Variants in NBAS observed in about 807,000 individuals in gnomAD.
NBAS encodes NAG/BC035112 fusion.
Under a neutral mutation model 302.5 loss-of-function variants are expected in NBAS, and 219 were observed. That is an observed-to-expected ratio of 0.72 (90% confidence interval 0.65 to 0.81). The LOEUF (loss-of-function observed/expected upper bound fraction) is 0.81, where lower values mean the gene tolerates loss of function less well. NBAS is among the 30% of genes least tolerant of loss of function. The pLI is 0.00. For missense variants in NBAS, 2,932 were observed against 2,841.6 expected, an observed-to-expected ratio of 1.03 and a Z score of -0.72; for synonymous variants, 1,118 against 1,021.6, an observed-to-expected ratio of 1.09 and a Z score of -1.80.
intron 11 of NBAS, among the ~76,000 whole-genome samples, chr2:15,492,876 A>G (rs1371036130): frequency 1.3e-5 from 2 of 152,146 alleles, no homozygotes; most frequent in Non-Finnish European, 2.9e-5. Context: ...TAGAAAATCC[A>G]CGCTAAATTC....
the NBAS span, among the ~76,000 whole-genome samples, chr2:15,090,403 T>C: frequency 1.3e-5 from 2 of 152,214 alleles, no homozygotes; most frequent in Non-Finnish European, 2.9e-5. Flanking sequence ...TCAACCAGCG[T>C]TCATATTCTG....
the NBAS span, among the ~76,000 whole-genome samples, chr2:15,013,338 C>T: frequency 2.0e-5 from 3 of 151,896 alleles, no homozygotes; most frequent in South Asian, 2.1e-4. Flanking sequence ...CTATAGAAAA[C>T]CATCCAACCA....
chr2:15,090,138 C>G, the NBAS span, among the ~76,000 whole-genome samples: 1 of 152,198 alleles, frequency 6.6e-6, no homozygotes, highest in East Asian at 1.9e-4. Context: ...CGTCAAGTCC[C>G]TGCCCCTACT....
chr2:14,917,483 C>T, the NBAS span, among the ~76,000 whole-genome samples: 16,494 of 152,190 alleles, frequency 0.11, 980 homozygotes, highest in African/African-American at 0.15. Context: ...AAGTGCCATC[C>T]CATTACCTTT....
rs773980519 is a variant in NBAS at position 15,327,873 on chromosome 2, A to T, written c.4462-3T>A. The T allele has an allele frequency of 1.2e-6, 2 of 1,613,564 alleles. No individual in the cohort carries two copies. Among genetic ancestry groups the T allele is most frequent in the Non-Finnish European group, 1.7e-6 (2 of 1,179,724 alleles). ...TAGGTGTCATAGGTCCCTTCAGACTACACAAAAGAAGCAGTTTCACTATCT... is the reference window on the plus strand; with the variant it reads ...TAGGTGTCATAGGTCCCTTCAGACTTCACAAAAGAAGCAGTTTCACTATCT... On this transcript the variant is annotated splice_polypyrimidine_tract_variant and splice_region_variant and intron_variant, in intron 37 of 51. Transcript: ENST00000281513.
At chr2:15,130,165 T>C in the NBAS span, among the ~76,000 whole-genome samples, 2 of 152,242 alleles carry the variant, frequency 1.3e-5, no homozygotes, top group African/African-American at 4.8e-5. Context: ...CTTTTGTAGC[T>C]GTCTTCTTAC....
chr2:14,957,260 G>A, the NBAS span, among the ~76,000 whole-genome samples: 10 of 144,512 alleles, frequency 6.9e-5, no homozygotes, highest in South Asian at 9.4e-4. Flanking sequence ...TCTTACTGGC[G>A]TTTAGTTTAT....
intron 21 of NBAS, among the ~76,000 whole-genome samples, chr2:15,447,940 T>C (rs1002931616): frequency 1.3e-5 from 2 of 152,158 alleles, no homozygotes; most frequent in African/African-American, 2.4e-5. Context: ...TCCAAGATAG[T>C]ACCATGTCAC....
chr2:14,808,005 A>G, the NBAS span, among the ~76,000 whole-genome samples: 46 of 152,230 alleles, frequency 3.0e-4, no homozygotes, highest in Non-Finnish European at 4.4e-4. Context: ...CAGTTTTAAC[A>G]CCTTTTTTAC....
the NBAS span, among the ~76,000 whole-genome samples, chr2:14,980,749 A>AG: frequency 6.6e-6 from 1 of 152,228 alleles, no homozygotes; most frequent in African/African-American, 2.4e-5. Context: ...ACTCTGGAAG[A>AG]TATAAAAGAA....
chr2:14,940,527 C>A, the NBAS span, among the ~76,000 whole-genome samples: 3 of 152,162 alleles, frequency 2.0e-5, no homozygotes, highest in Non-Finnish European at 4.4e-5. Context: ...TTTCTGATGC[C>A]TCCAGCAATT....
At chr2:15,461,949 C>A (rs535485662) in intron 19 of NBAS, among the ~76,000 whole-genome samples, 158 bp from the exon 20 acceptor site, 2 of 152,294 alleles carry the variant, frequency 1.3e-5, no homozygotes, top group East Asian at 3.9e-4. Context: ...ACTACATCTG[C>A]ATTATTGCCT....
At chr2:15,285,919 C>G (rs988389469) in intron 42 of NBAS, among the ~76,000 whole-genome samples, 1 of 152,186 alleles carries the variant, frequency 6.6e-6, no homozygotes, top group Admixed American at 6.5e-5. Context: ...CGCGGCCTCC[C>G]AAAGTGTTGG....
chr2:14,961,068 A>G, the NBAS span, among the ~76,000 whole-genome samples: 2 of 152,100 alleles, frequency 1.3e-5, no homozygotes, highest in Non-Finnish European at 2.9e-5. Context: ...CTGGCCTGGA[A>G]TTCCTCTTAG....
At chr2:14,939,025 C>A in the NBAS span, among the ~76,000 whole-genome samples, 1 of 152,228 alleles carries the variant, frequency 6.6e-6, no homozygotes, top group Middle Eastern at 3.2e-3. Flanking sequence ...CTAGAACCAC[C>A]AGTGCCTATT....
At position 15,238,636 on chromosome 2, in the gene NBAS, G is replaced by A. The variant is rs746482669; in HGVS notation, c.5775C>T (p.Val1925=). The change falls in exon 45 of 52, where the codon GTC becomes GTT. Residue 1925 remains valine, a synonymous_variant. Transcript: ENST00000281513. ...TCCTTGGCTTCTCAATAAAATGTTT[G>A]ACTGTCTTAATAGCCTTTCTAGTCA... The part of the protein sequence containing the change: ...KEMTRKAIKT[V]KHFIEKPRKR... 3.7e-6 allele frequency: 6 copies of A among 1,613,116 alleles called. No homozygotes were observed. In the African/African-American group the frequency reaches 5.4e-5, roughly 14 times the overall value.
intron 11 of NBAS, among the ~76,000 whole-genome samples, chr2:15,498,175 C>T (rs1681139913): frequency 6.6e-6 from 1 of 152,144 alleles, no homozygotes. Context: ...TTTCAACTTT[C>T]CTCTCTGGAG....
At chr2:14,789,515 G>C in the NBAS span, among the ~76,000 whole-genome samples, 1 of 152,226 alleles carries the variant, frequency 6.6e-6, no homozygotes, top group African/African-American at 2.4e-5. Flanking sequence ...TGATATTTTA[G>C]GGGTATTCAG....
chr2:15,501,774 T>G (rs1425492576), intron 11 of NBAS, among the ~76,000 whole-genome samples: 2 of 151,722 alleles, frequency 1.3e-5, no homozygotes, highest in Non-Finnish European at 2.9e-5. Flanking sequence ...GGAACTTTTT[T>G]TTTTTTGAGC....
Sources: gnomAD v4.1 joint callset for allele counts (sites outside exome capture counted in the v4.1 genomes callset) on GRCh38, gnomAD v4.1.1 for gene constraint, MANE v1.5 for transcripts, NCBI Gene and HGNC (gene_info 2026-07-23, HGNC 2026-07-21) for gene names.